The following GRID1 variants were observed in gnomAD, a reference collection of about 807,000 sequenced individuals.
GRID1 encodes glutamate receptor ionotropic, delta-1.
In GRID1, 28 loss-of-function variants were observed where a neutral mutation model predicts 98.0. That is an observed-to-expected ratio of 0.29 (90% confidence interval 0.21 to 0.39). The LOEUF is 0.39. Ranked by LOEUF, GRID1 falls within the 10% of genes least tolerant of loss-of-function variation. The probability of loss-of-function intolerance (pLI) is 1.00; values close to 1 mark genes in which losing one functional copy is unlikely to be tolerated. For synonymous variants in GRID1, 553 were observed against 538.5 expected (o/e 1.03, Z -0.37); for missense variants, 1,111 against 1,340.5 (o/e 0.83, Z 2.67).
At chr10:85,823,086 T>G (rs554302020) in intron 8 of GRID1, among the ~76,000 whole-genome samples, 2 of 152,172 alleles carry the variant, frequency 1.3e-5, no homozygotes, top group East Asian at 1.9e-4. Context: ...ATACCTAATG[T>G]AAATGACAAG....
At position 86,206,262 on chromosome 10, in the gene GRID1, G is replaced by T; in HGVS notation, c.520+102C>A. Reference sequence around the variant, plus strand: ...ATCACCTGGAGGCCCACTCAGCACAGACCACCCCTGACCGGTCCAGGGCCC... The same window carrying T: ...ATCACCTGGAGGCCCACTCAGCACATACCACCCCTGACCGGTCCAGGGCCC... On this transcript the variant is annotated intron_variant, in intron 3 of 15. Coordinates refer to ENST00000327946, the MANE Select transcript of GRID1 (RefSeq NM_017551.3). The surrounding 1 kb of genome is among the most constrained non-coding windows in gnomAD (Gnocchi z 4.1). 1 of 1,146,648 alleles carries T rather than the reference G, an allele frequency of 8.7e-7. No individual in the cohort carries two copies. The highest frequency in any genetic ancestry group is 1.2e-6 in the Non-Finnish European group (1 of 816,244). The allele number at this position is 1,146,648 out of a possible 1,614,324, so 71.0% of individuals were successfully genotyped here.
chr10:86,353,113 C>A (rs1848484468), intron 2 of GRID1, among the ~76,000 whole-genome samples: 1 of 152,210 alleles, frequency 6.6e-6, no homozygotes, highest in African/African-American at 2.4e-5. Context: ...GCCCTTAGAG[C>A]TGAGGATACC....
At chr10:85,733,749 A>C (rs1035501919) in intron 8 of GRID1, among the ~76,000 whole-genome samples, 1 of 152,198 alleles carries the variant, frequency 6.6e-6, no homozygotes, top group African/African-American at 2.4e-5. Flanking sequence ...TTAATTAAGA[A>C]TCACAAAGTA....
intron 4 of GRID1, among the ~76,000 whole-genome samples, chr10:86,030,619 T>C (rs1449971244): frequency 2.6e-5 from 4 of 152,288 alleles, no homozygotes; most frequent in African/African-American, 9.6e-5. Flanking sequence ...TTTTCAGCAG[T>C]AAGTAGCCAG....
intron 12 of GRID1, among the ~76,000 whole-genome samples, chr10:85,655,017 T>A (rs1301203125): frequency 2.0e-5 from 3 of 152,208 alleles, no homozygotes; most frequent in Non-Finnish European, 4.4e-5. Context: ...GAGCTCAATG[T>A]CCACACTATT....
intron 12 of GRID1, among the ~76,000 whole-genome samples, chr10:85,696,597 T>G (rs963895630): frequency 6.6e-6 from 1 of 152,094 alleles, no homozygotes; most frequent in Non-Finnish European, 1.5e-5. Context: ...GTTTAATACC[T>G]TTATTAAAAT....
At chr10:85,972,635 A>G (rs926183393) in intron 4 of GRID1, among the ~76,000 whole-genome samples, 1 of 151,900 alleles carries the variant, frequency 6.6e-6, no homozygotes, top group Non-Finnish European at 1.5e-5. Context: ...TGGCTATTCC[A>G]TAATGTACTT....
chr10:85,998,872 C>T (rs1404073419), intron 4 of GRID1, among the ~76,000 whole-genome samples: 1 of 152,226 alleles, frequency 6.6e-6, no homozygotes, highest in Non-Finnish European at 1.5e-5. Flanking sequence ...CAACTCTGTA[C>T]ACTTAAACCT....
chr10:85,681,866 G>T (rs1178454460), intron 12 of GRID1, among the ~76,000 whole-genome samples: 2 of 152,062 alleles, frequency 1.3e-5, no homozygotes, highest in Non-Finnish European at 2.9e-5. Context: ...CAGAGTGGAT[G>T]CTCAACCAGA....
chr10:85,609,686 C>T (rs1395457345), intron 15 of GRID1, among the ~76,000 whole-genome samples: 12 of 152,152 alleles, frequency 7.9e-5, no homozygotes, highest in African/African-American at 2.2e-4. Context: ...CTCCTGTGTG[C>T]GATGGAAACC....
intron 2 of GRID1, among the ~76,000 whole-genome samples, chr10:86,275,547 A>G (rs1437943361): frequency 6.6e-6 from 1 of 152,174 alleles, no homozygotes; most frequent in Non-Finnish European, 1.5e-5. Flanking sequence ...AATTATACAT[A>G]AACAAAATGA....
At chr10:85,823,298 TG>T (rs1842790014) in intron 8 of GRID1, among the ~76,000 whole-genome samples, 1 of 152,220 alleles carries the variant, frequency 6.6e-6, no homozygotes, top group South Asian at 2.1e-4. Flanking sequence ...GGGTGCATTG[TG>T]ATTTGTAAAA....
chr10:85,910,564 G>A (rs1841523312), intron 5 of GRID1, among the ~76,000 whole-genome samples: 1 of 152,154 alleles, frequency 6.6e-6, no homozygotes, highest in African/African-American at 2.4e-5. Flanking sequence ...GTGATAAGAT[G>A]GGGGCTGGGG....
At chr10:86,134,408 T>A (rs905274968) in intron 4 of GRID1, among the ~76,000 whole-genome samples, 2 of 151,994 alleles carry the variant, frequency 1.3e-5, no homozygotes, top group African/African-American at 2.4e-5. Flanking sequence ...ATGAACAGAA[T>A]CCCTCCAGGA....
At chr10:86,209,449 C>T (rs908937754) in intron 2 of GRID1, among the ~76,000 whole-genome samples, 12 of 152,114 alleles carry the variant, frequency 7.9e-5, no homozygotes, top group African/African-American at 2.2e-4. Flanking sequence ...GGCCACACAA[C>T]GAACACTGCC....
intron 4 of GRID1, among the ~76,000 whole-genome samples, chr10:86,123,289 T>C (rs1237140389): frequency 1.3e-5 from 2 of 152,196 alleles, no homozygotes; most frequent in South Asian, 2.1e-4. Context: ...GCCTGGAACC[T>C]ACCGGTGATG....
intron 4 of GRID1, among the ~76,000 whole-genome samples, chr10:86,080,403 GA>G (rs754656258): frequency 3.4e-5 from 1 of 29,582 alleles, no homozygotes; most frequent in Non-Finnish European, 7.1e-5. Context: ...GAAGGGAAGG[GA>G]AGGGAAGGGG....
chr10:86,272,501 G>C (rs1847200820), intron 2 of GRID1, among the ~76,000 whole-genome samples: 1 of 152,184 alleles, frequency 6.6e-6, no homozygotes, highest in Non-Finnish European at 1.5e-5. Flanking sequence ...TCTAGTTCTA[G>C]AGGGAGCAGA....
intron 4 of GRID1, among the ~76,000 whole-genome samples, chr10:86,013,251 C>G (rs1842941763): frequency 6.6e-6 from 1 of 152,202 alleles, no homozygotes; most frequent in Non-Finnish European, 1.5e-5. Flanking sequence ...AAAATGTAAA[C>G]TATTTCCCTC....
Sources: allele counts gnomAD v4.1 joint callset (sites outside exome capture counted in the v4.1 genomes callset), GRCh38; gene constraint gnomAD v4.1.1; non-coding constraint Gnocchi (gnomAD v3.1); transcripts MANE v1.5; gene names NCBI Gene and HGNC (gene_info 2026-07-23, HGNC 2026-07-21).